The following DTNB variants were observed in gnomAD, a reference collection of about 807,000 sequenced individuals.
DTNB encodes the protein DTN-B.
DTNB carries 63 observed loss-of-function variants against 90.7 expected under a neutral mutation model. That is an observed-to-expected ratio of 0.69 (90% CI 0.57 to 0.86). DTNB has a LOEUF of 0.86. Among genes scored for constraint, DTNB ranks in the 40% least tolerant of loss-of-function variants. The probability of loss-of-function intolerance (pLI) is 0.00; values close to 1 mark genes in which losing one functional copy is unlikely to be tolerated. For synonymous variants in DTNB, 277 were observed against 286.7 expected, an observed-to-expected ratio of 0.97 and a Z score of 0.34; for missense variants, 744 against 807.1, an observed-to-expected ratio of 0.92 and a Z score of 0.95.
intron 2 of DTNB, among the ~76,000 whole-genome samples, chr2:25,641,653 A>G (rs2078323419): frequency 6.6e-6 from 1 of 152,074 alleles, no homozygotes; most frequent in Non-Finnish European, 1.5e-5. Flanking sequence ...AGCTTCCTAT[A>G]TTTTGTGTAA....
intron 8 of DTNB, among the ~76,000 whole-genome samples, chr2:25,557,540 G>A (rs1408318533): frequency 1.3e-5 from 2 of 152,136 alleles, no homozygotes; most frequent in Non-Finnish European, 2.9e-5. Flanking sequence ...CTCTAAAACA[G>A]TGTTTTCCAA....
chr2:25,387,510 C>A lies in DTNB; in HGVS notation c.1736-132G>T, dbSNP rs2039836579. The stretch of plus-strand genomic sequence containing the variant: ...CACCTAAGGGGAGATGGGGCCACAG[C>A]AGCTCCACCCATTCCCAGGCACACC... On this transcript the variant is annotated intron_variant, in intron 17 of 20. Coordinates refer to ENST00000406818, the MANE Select transcript of DTNB (RefSeq NM_021907.5). The surrounding 1 kb of genome is among the most constrained non-coding windows in gnomAD (Gnocchi z 4.5). 1 of 739,406 alleles carries A rather than the reference C, an allele frequency of 1.4e-6. No individual in the cohort carries two copies. The highest frequency in any genetic ancestry group is 2.7e-5 in the East Asian group (1 of 36,538). 45.8% of individuals were successfully genotyped at this position (739,406 alleles called of 1,614,324 possible).
intron 8 of DTNB, among the ~76,000 whole-genome samples, chr2:25,551,835 T>C (rs1176878518): frequency 9.2e-5 from 14 of 152,234 alleles, no homozygotes; most frequent in Admixed American, 9.2e-4. Flanking sequence ...AAGGAACTCC[T>C]CAATCCATCC....
chr2:25,447,917 G>C (rs2058674150), intron 12 of DTNB, among the ~76,000 whole-genome samples: 1 of 152,100 alleles, frequency 6.6e-6, no homozygotes, highest in Non-Finnish European at 1.5e-5. Context: ...CCGAGGTTTT[G>C]CCACACAAAT....
chr2:25,601,576 C>G (rs2065892260), intron 5 of DTNB, among the ~76,000 whole-genome samples: 2 of 152,158 alleles, frequency 1.3e-5, no homozygotes, highest in Non-Finnish European at 1.5e-5. Context: ...TTTCAACTCC[C>G]CTTTCATCCC....
chr2:25,463,744 G>T (rs1039013188), intron 10 of DTNB, among the ~76,000 whole-genome samples: 3 of 152,218 alleles, frequency 2.0e-5, no homozygotes, highest in African/African-American at 7.2e-5. Flanking sequence ...CACCCCTGGA[G>T]AGGGAAGTTA....
At chr2:25,426,268 G>C (rs1460890350) in intron 15 of DTNB, among the ~76,000 whole-genome samples, 1 of 152,122 alleles carries the variant, frequency 6.6e-6, no homozygotes, top group Non-Finnish European at 1.5e-5. Flanking sequence ...ATTGGCATTT[G>C]AATCATTAGA....
At chr2:25,438,391 T>C (rs760925563) in intron 12 of DTNB, among the ~76,000 whole-genome samples, 10 of 152,228 alleles carry the variant, frequency 6.6e-5, no homozygotes, top group Non-Finnish European at 1.3e-4. Context: ...AAAGCCATCC[T>C]GGGCTGCATG....
At chr2:25,414,593 C>G (rs2047423506) in intron 16 of DTNB, among the ~76,000 whole-genome samples, 1 of 152,062 alleles carries the variant, frequency 6.6e-6, no homozygotes, top group African/African-American at 2.4e-5. Context: ...AGTGGATCTC[C>G]TGAATGGATC....
intron 12 of DTNB, among the ~76,000 whole-genome samples, chr2:25,448,855 C>CA (rs57986514): frequency 0.032 from 2,524 of 79,190 alleles, 89 homozygotes; most frequent in African/African-American, 0.085. Context: ...GATTCCATCT[C>CA]AAAAAAAAAA....
intron 8 of DTNB, among the ~76,000 whole-genome samples, chr2:25,570,444 A>G (rs1409390156): frequency 1.3e-5 from 2 of 151,578 alleles, no homozygotes; most frequent in Admixed American, 6.6e-5. Flanking sequence ...AGAAAAAAAA[A>G]TGGGTTAGAA....
At chr2:25,606,411 C>T (rs968648364) in intron 5 of DTNB, among the ~76,000 whole-genome samples, 1 of 152,178 alleles carries the variant, frequency 6.6e-6, no homozygotes, top group Non-Finnish European at 1.5e-5. Context: ...CAGGGGAGCA[C>T]AATCACATAG....
intron 1 of DTNB, among the ~76,000 whole-genome samples, chr2:25,658,679 T>C (rs1441951684): frequency 6.6e-6 from 1 of 152,232 alleles, no homozygotes; most frequent in Non-Finnish European, 1.5e-5. Context: ...GGCTACATAC[T>C]GTATGACTCC....
intron 8 of DTNB, among the ~76,000 whole-genome samples, chr2:25,565,124 A>G (rs927085407): frequency 3.3e-5 from 5 of 152,212 alleles, no homozygotes; most frequent in African/African-American, 1.2e-4. Context: ...TACCCTGGCT[A>G]GGACCTTCAG....
At chr2:25,656,921 C>T (rs2082170320) in intron 1 of DTNB, among the ~76,000 whole-genome samples, 2 of 152,202 alleles carry the variant, frequency 1.3e-5, no homozygotes, top group South Asian at 4.1e-4. Context: ...CGCCTGTAAT[C>T]CCAGCACGTT....
intron 8 of DTNB, among the ~76,000 whole-genome samples, chr2:25,565,413 ATTATTG>A (rs1553537637): frequency 1.3e-5 from 2 of 151,490 alleles, no homozygotes; most frequent in Non-Finnish European, 2.9e-5. Flanking sequence ...TTTTTTTTTC[ATTATTG>A]TTATTATTTT....
At chr2:25,544,685 C>T (rs2082052653) in intron 8 of DTNB, among the ~76,000 whole-genome samples, 2 of 152,164 alleles carry the variant, frequency 1.3e-5, no homozygotes, top group African/African-American at 4.8e-5. Context: ...CATCTGTAAC[C>T]TCACCTAGTA....
At chr2:25,610,268 A>C (rs1452928340) in intron 4 of DTNB, among the ~76,000 whole-genome samples, 1 of 152,024 alleles carries the variant, frequency 6.6e-6, no homozygotes, top group Non-Finnish European at 1.5e-5. Flanking sequence ...ATGCCACCAC[A>C]CCTGGCTTGA....
At chr2:25,532,856 T>A (rs2078522893) in intron 8 of DTNB, among the ~76,000 whole-genome samples, 1 of 152,262 alleles carries the variant, frequency 6.6e-6, no homozygotes, top group South Asian at 2.1e-4. Context: ...AATAGACTTC[T>A]ATATGCTGCT....
Sources: allele counts gnomAD v4.1 joint callset (sites outside exome capture counted in the v4.1 genomes callset), GRCh38; gene constraint gnomAD v4.1.1; non-coding constraint Gnocchi (gnomAD v3.1); transcripts MANE v1.5; gene names NCBI Gene and HGNC (gene_info 2026-07-23, HGNC 2026-07-21).